The following PCDH11Y variants were observed in gnomAD, a reference collection of about 807,000 sequenced individuals.
The protein encoded by PCDH11Y is protocadherin-11 Y-linked.
For missense variants in PCDH11Y, 12 were observed against 224.8 expected (o/e 0.05, Z 6.05); for synonymous variants, 9 against 83.6 (o/e 0.11, Z 4.87).
intron 2 of PCDH11Y, among the ~76,000 whole-genome samples, chrY:5,358,598 C>T: frequency 3.0e-5 from 1 of 32,945 alleles, no homozygotes; most frequent in African/African-American, 1.2e-4. Flanking sequence ...AGGGGACTTT[C>T]AGGTCATAGG....
chrY:5,457,178 A>G (rs2124683427), intron 2 of PCDH11Y, among the ~76,000 whole-genome samples: 6 of 33,594 alleles, frequency 1.8e-4, no homozygotes, highest in African/African-American at 7.0e-4. Flanking sequence ...CAGAATCATG[A>G]TGAAGACTGT....
At chrY:5,066,763 G>T in intron 1 of PCDH11Y, among the ~76,000 whole-genome samples, 1 of 32,141 alleles carries the variant, frequency 3.1e-5, no homozygotes, top group Non-Finnish European at 7.7e-5. Flanking sequence ...TTTTAATTTT[G>T]CTGTGAGGAA....
intron 2 of PCDH11Y, among the ~76,000 whole-genome samples, chrY:5,454,042 A>G (rs2053295505): frequency 6.0e-5 from 2 of 33,217 alleles, no homozygotes; most frequent in Non-Finnish European, 1.5e-4. Context: ...TCCGAAGTCC[A>G]AAATCCCAAT....
At chrY:5,417,950 C>T in intron 2 of PCDH11Y, among the ~76,000 whole-genome samples, 3 of 33,530 alleles carry the variant, frequency 8.9e-5, no homozygotes, top group African/African-American at 3.5e-4. Flanking sequence ...TCTCAGGCTC[C>T]CAGACGTTTA....
At chrY:5,113,248 C>G in intron 2 of PCDH11Y, among the ~76,000 whole-genome samples, 2 of 34,372 alleles carry the variant, frequency 5.8e-5, no homozygotes, top group Non-Finnish European at 1.5e-4. Flanking sequence ...GCTGGATTAA[C>G]CAGAATTTTT....
chrY:5,315,649 G>C, intron 2 of PCDH11Y, among the ~76,000 whole-genome samples: 1 of 33,619 alleles, frequency 3.0e-5, no homozygotes, highest in Non-Finnish European at 7.4e-5. Flanking sequence ...GAACCACTCT[G>C]ATTGTTTAGC....
At chrY:5,579,487 G>C in intron 3 of PCDH11Y, among the ~76,000 whole-genome samples, 3 of 31,919 alleles carry the variant, frequency 9.4e-5, no homozygotes, top group Non-Finnish European at 2.3e-4. Context: ...CTAAACTATC[G>C]TTTTTAAATT....
chrY:5,708,331 G>T, intron 4 of PCDH11Y, among the ~76,000 whole-genome samples: 11 of 33,003 alleles, frequency 3.3e-4, no homozygotes, highest in Admixed American at 3.1e-3. Flanking sequence ...AATAGTAAAT[G>T]CACAAAAAAC....
At chrY:5,657,393 A>G (rs1176455913) in intron 4 of PCDH11Y, among the ~76,000 whole-genome samples, 343 of 33,354 alleles carry the variant, frequency 0.01, no homozygotes, top group Admixed American at 0.086. Flanking sequence ...GTTGAATATA[A>G]GTAAATATAT....
intron 2 of PCDH11Y, among the ~76,000 whole-genome samples, chrY:5,439,383 C>G: frequency 6.1e-5 from 2 of 32,869 alleles, no homozygotes; most frequent in Admixed American, 5.7e-4. Context: ...TGACTCTTAC[C>G]CTTATTCACC....
At chrY:5,520,436 T>C (rs2053379594) in intron 3 of PCDH11Y, among the ~76,000 whole-genome samples, 1 of 29,273 alleles carries the variant, frequency 3.4e-5, no homozygotes, top group Admixed American at 3.3e-4. Flanking sequence ...TTTTGCATGT[T>C]CTTATTTATT....
intron 3 of PCDH11Y, among the ~76,000 whole-genome samples, chrY:5,554,571 AGGGTTCCCATGC>A (rs2053421947): frequency 6.0e-5 from 2 of 33,324 alleles, no homozygotes; most frequent in Non-Finnish European, 1.5e-4. Flanking sequence ...GGCCAGGCCC[AGGGTTCCCATGC>A]TGAGTGTTGC....
chrY:5,365,232 A>T, intron 2 of PCDH11Y, among the ~76,000 whole-genome samples: 1 of 33,478 alleles, frequency 3.0e-5, no homozygotes, highest in Non-Finnish European at 7.4e-5. Context: ...ATATAAATTT[A>T]TAGAATAAAT....
intron 1 of PCDH11Y, among the ~76,000 whole-genome samples, chrY:5,011,916 T>A (rs535081819): frequency 0.054 from 1,453 of 26,954 alleles, no homozygotes; most frequent in South Asian, 0.27. Context: ...ACTTCAGCGT[T>A]GGAATTCATG....
chrY:5,391,913 T>C, intron 2 of PCDH11Y, among the ~76,000 whole-genome samples: 1 of 33,330 alleles, frequency 3.0e-5, no homozygotes, highest in Admixed American at 2.8e-4. Context: ...TTCTTTTTGC[T>C]AAAACGTACT....
chrY:5,574,334 G>A, intron 3 of PCDH11Y: 1 of 341,838 alleles, frequency 2.9e-6, no homozygotes. Flanking sequence ...TTGGACAGCA[G>A]CAACTCCATG....
chrY:5,616,691 T>C, intron 4 of PCDH11Y, among the ~76,000 whole-genome samples: 5 of 32,600 alleles, frequency 1.5e-4, no homozygotes, highest in African/African-American at 3.6e-4. Context: ...CTTTATTCAA[T>C]ATTGTATTCC....
chrY:5,037,779 T>C (rs2052601794), intron 3 of PCDH11Y: 1 of 66,787 alleles, frequency 1.5e-5, no homozygotes, highest in Admixed American at 1.9e-4. Flanking sequence ...GAAATAGCAA[T>C]GAATTCCTTT....
intron 1 of PCDH11Y, among the ~76,000 whole-genome samples, chrY:5,059,207 C>T (rs2052669492): frequency 3.1e-5 from 1 of 32,688 alleles, no homozygotes; most frequent in African/African-American, 1.2e-4. Flanking sequence ...TCTGCAAGGA[C>T]GGTAATCTGT....
Sources: allele counts gnomAD v4.1 joint callset (sites outside exome capture counted in the v4.1 genomes callset), GRCh38; gene constraint gnomAD v4.1.1; transcripts MANE v1.5; gene names NCBI Gene and HGNC (gene_info 2026-07-23, HGNC 2026-07-21).